The following CPVL variants were observed in gnomAD, a reference collection of about 807,000 sequenced individuals.
CPVL encodes the protein carboxypeptidase vitellogenic like.
CPVL carries 51 observed loss-of-function variants against 63.7 expected under a neutral mutation model. The observed-to-expected ratio is 0.80, with a 90% CI of 0.64 to 1.01. The LOEUF is 1.01. Ranked by LOEUF, CPVL falls within the 50% of genes least tolerant of loss-of-function variation. CPVL has a pLI of 0.00. For missense variants in CPVL, 530 were observed against 573.1 expected (o/e 0.92, Z 0.77); for synonymous variants, 195 against 206.0 (o/e 0.95, Z 0.46).
chr7:29,092,454 T>C (rs1368655090), intron 6 of CPVL, among the ~76,000 whole-genome samples, 169 bp downstream of exon 6: 2 of 152,230 alleles, frequency 1.3e-5, no homozygotes, highest in Admixed American at 6.5e-5. Flanking sequence ...TAATCTTTAA[T>C]TGAAAAATTC....
intron 7 of CPVL, among the ~76,000 whole-genome samples, chr7:29,074,947 T>C (rs911199162): frequency 6.6e-6 from 1 of 152,018 alleles, no homozygotes; most frequent in Non-Finnish European, 1.5e-5. Flanking sequence ...AATGTATACA[T>C]TGCCTAGCAC....
At chr7:29,092,828 G>A (rs1014265727) in intron 5 of CPVL, 126 bp from the exon 6 acceptor site, 17 of 710,816 alleles carry the variant, frequency 2.4e-5, no homozygotes, top group East Asian at 1.1e-4. Flanking sequence ...GATTTTTGCC[G>A]TTGCCCCCCT....
intron 5 of CPVL, among the ~76,000 whole-genome samples, chr7:29,093,393 AAAAAAG>A (rs1336467541): frequency 0.043 from 6,460 of 149,404 alleles, 169 homozygotes; most frequent in East Asian, 0.12. Context: ...AAAAAAAAAA[AAAAAAG>A]AAAGAAACTC....
intron 1 of CPVL, among the ~76,000 whole-genome samples, chr7:29,188,217 C>T (rs1190808288): frequency 6.6e-6 from 1 of 152,202 alleles, no homozygotes; most frequent in African/African-American, 2.4e-5. Flanking sequence ...CACTATATTA[C>T]ATCTATCACT....
intron 5 of CPVL, among the ~76,000 whole-genome samples, chr7:29,179,050 C>A (rs926472709): frequency 6.6e-6 from 1 of 152,198 alleles, no homozygotes; most frequent in Admixed American, 6.5e-5. Context: ...GGGGACCCAG[C>A]ATCTCTCTTG....
intron 2 of CPVL, among the ~76,000 whole-genome samples, chr7:29,119,062 T>C (rs1486561883): frequency 6.6e-6 from 1 of 152,246 alleles, no homozygotes; most frequent in Non-Finnish European, 1.5e-5. Flanking sequence ...CTACCCCATT[T>C]TTCTGCTGCT....
chr7:29,087,142 G>C (rs951281196), intron 6 of CPVL, among the ~76,000 whole-genome samples: 21 of 152,124 alleles, frequency 1.4e-4, no homozygotes, highest in African/African-American at 5.1e-4. Context: ...AATGCTAACA[G>C]CCGGCCAGGG....
chr7:29,063,345 T>C lies in CPVL; in HGVS notation c.1137+716A>G, dbSNP rs148394316. Among the ~76,000 whole-genome samples, 9 of 152,238 alleles carry C rather than the reference T, an allele frequency of 5.9e-5. No homozygotes were observed. The South Asian group carries it at 6.2e-4, about 11-fold the overall frequency. On this transcript the variant is annotated intron_variant, in intron 11 of 12. Coordinates refer to ENST00000265394, the MANE Select transcript of CPVL (RefSeq NM_031311.5). ...GGGTAAAGTGAATGAATACAACCAT[T>C]AGGCAAAATGCATTTTCAGAATAAC...
At chr7:29,035,765 C>G (rs1411500910) in intron 11 of CPVL, among the ~76,000 whole-genome samples, 2 of 152,222 alleles carry the variant, frequency 1.3e-5, no homozygotes, top group African/African-American at 4.8e-5. Flanking sequence ...GCTGCTTTTG[C>G]ATGCCCAGGT....
chr7:29,187,315 T>C (rs1584639416), intron 1 of CPVL, among the ~76,000 whole-genome samples: 2 of 152,104 alleles, frequency 1.3e-5, no homozygotes, highest in Non-Finnish European at 2.9e-5. Context: ...TGTAAGACAT[T>C]ATCATCTAGT....
chr7:29,065,692 T>C (rs1783065040), intron 10 of CPVL, among the ~76,000 whole-genome samples: 1 of 152,196 alleles, frequency 6.6e-6, no homozygotes, highest in Non-Finnish European at 1.5e-5. Flanking sequence ...GTAAACAGAC[T>C]TGAAGCTCTG....
chr7:29,030,135 C>T (rs547326890), intron 12 of CPVL, among the ~76,000 whole-genome samples: 8 of 152,224 alleles, frequency 5.3e-5, no homozygotes, highest in Non-Finnish European at 1.0e-4. Context: ...AGAGTAACAT[C>T]TGACCCCGCA....
chr7:29,127,644 T>C (rs1790175139), intron 1 of CPVL: 1 of 152,202 alleles, frequency 6.6e-6, no homozygotes, highest in Non-Finnish European at 1.5e-5. Flanking sequence ...TCTCTGACCT[T>C]TTCCCACCTT....
chr7:29,093,616 A>G (rs563946127), intron 5 of CPVL, among the ~76,000 whole-genome samples: 2 of 152,348 alleles, frequency 1.3e-5, no homozygotes, highest in African/African-American at 4.8e-5. Flanking sequence ...ACTGAACTGC[A>G]AATTCAAAAG....
At chr7:29,078,917 G>C (rs1288363652) in intron 7 of CPVL, among the ~76,000 whole-genome samples, 1 of 152,196 alleles carries the variant, frequency 6.6e-6, no homozygotes, top group Non-Finnish European at 1.5e-5. Flanking sequence ...ATATTGGCAA[G>C]TGCAGATGAA....
intron 11 of CPVL, among the ~76,000 whole-genome samples, chr7:29,036,610 C>A (rs534662907): frequency 2.6e-5 from 4 of 152,292 alleles, no homozygotes; most frequent in Admixed American, 2.6e-4. Context: ...GCATTGGCCA[C>A]TGCATCTCAG....
upstream of CPVL, among the ~76,000 whole-genome samples, chr7:29,150,876 C>T (rs1793498315): frequency 6.6e-6 from 1 of 152,186 alleles, no homozygotes; most frequent in South Asian, 2.1e-4. Flanking sequence ...ATTAATTGTT[C>T]AATAAACACT....
At chr7:28,999,793 A>G (rs74646134) in intron 12 of CPVL, among the ~76,000 whole-genome samples, 15,699 of 152,260 alleles carry the variant, frequency 0.1, 941 homozygotes, top group African/African-American at 0.16. Context: ...ATGCCACAAA[A>G]TTCCCAAACA....
intron 2 of CPVL, among the ~76,000 whole-genome samples, chr7:29,119,564 T>C (rs1345508887): frequency 6.6e-6 from 1 of 152,126 alleles, no homozygotes; most frequent in Non-Finnish European, 1.5e-5. Flanking sequence ...GATACCTTTT[T>C]TCCTATTGGT....
Sources: allele counts gnomAD v4.1 joint callset (sites outside exome capture counted in the v4.1 genomes callset), GRCh38; gene constraint gnomAD v4.1.1; transcripts MANE v1.5; gene names NCBI Gene and HGNC (gene_info 2026-07-23, HGNC 2026-07-21).